Variants in EPB41 observed in about 807,000 individuals in gnomAD.
EPB41 encodes protein 4.1.
EPB41 carries 65 observed loss-of-function variants against 108.0 expected under a neutral mutation model. The observed-to-expected ratio is 0.60, with a 90% CI of 0.49 to 0.74. EPB41 has a LOEUF of 0.74. EPB41 is among the 30% of genes least tolerant of loss of function. The pLI, the probability that EPB41 is intolerant of heterozygous loss-of-function variation, is 0.00. For synonymous variants in EPB41, 336 were observed against 358.9 expected (o/e 0.94, Z 0.72); for missense variants, 875 against 1,037.0 (o/e 0.84, Z 2.15).
chr1:28,897,135 G>C (rs1297053175), intron 1 of EPB41, among the ~76,000 whole-genome samples: 1 of 152,180 alleles, frequency 6.6e-6, no homozygotes, highest in Admixed American at 6.5e-5. Flanking sequence ...GGGGTCCCTT[G>C]TGGTGACCCT....
At chr1:28,987,006 C>G (rs1481107742) in intron 1 of EPB41, among the ~76,000 whole-genome samples, 2 of 152,170 alleles carry the variant, frequency 1.3e-5, no homozygotes, top group Non-Finnish European at 2.9e-5. Context: ...TTCATCGTCT[C>G]TTGGTGTGTG....
chr1:28,903,262 C>T (rs2091469400), intron 1 of EPB41, among the ~76,000 whole-genome samples: 2 of 151,814 alleles, frequency 1.3e-5, no homozygotes, highest in Non-Finnish European at 2.9e-5. Context: ...CTGATACTTA[C>T]TAGCTGGGTG....
intron 1 of EPB41, among the ~76,000 whole-genome samples, chr1:28,938,005 A>T (rs530305272): frequency 6.6e-6 from 1 of 152,140 alleles, no homozygotes; most frequent in Non-Finnish European, 1.5e-5. Context: ...AACCAACTGG[A>T]TATAGATGTA....
chr1:28,941,734 A>G (rs1006111533), intron 1 of EPB41, among the ~76,000 whole-genome samples: 7 of 152,048 alleles, frequency 4.6e-5, no homozygotes, highest in Admixed American at 2.6e-4. Context: ...CGTCTCTACT[A>G]AAAATACAAA....
chr1:29,059,037 G>C (rs1477266956), intron 14 of EPB41, among the ~76,000 whole-genome samples, 185 bp downstream of exon 14: 1 of 152,230 alleles, frequency 6.6e-6, no homozygotes, highest in African/African-American at 2.4e-5. Context: ...CACTTTGGGA[G>C]GCCGAGGCAG....
intron 1 of EPB41, among the ~76,000 whole-genome samples, chr1:28,916,682 T>C (rs1248750367): frequency 6.6e-6 from 1 of 152,240 alleles, no homozygotes; most frequent in Admixed American, 6.5e-5. Flanking sequence ...ATGCCAACCT[T>C]CTGATTCCTC....
intron 1 of EPB41, among the ~76,000 whole-genome samples, chr1:28,953,971 T>C (rs1299176180): frequency 6.6e-6 from 1 of 152,186 alleles, no homozygotes; most frequent in Non-Finnish European, 1.5e-5. Context: ...GGACCACACT[T>C]TGAGAACTAT....
chr1:28,933,191 G>T (rs915394113), intron 1 of EPB41, among the ~76,000 whole-genome samples: 23 of 152,154 alleles, frequency 1.5e-4, no homozygotes, highest in African/African-American at 5.3e-4. Flanking sequence ...ACTATATTTT[G>T]ATGATAAATA....
chr1:28,900,283 T>A (rs537763387), intron 1 of EPB41, among the ~76,000 whole-genome samples: 6 of 125,700 alleles, frequency 4.8e-5, no homozygotes, highest in African/African-American at 1.9e-4. Context: ...ATCATTTACT[T>A]CTTCTTCTTT....
intron 20 of EPB41, among the ~76,000 whole-genome samples, chr1:29,116,558 G>C (rs1176645550): frequency 6.6e-6 from 1 of 152,176 alleles, no homozygotes; most frequent in African/African-American, 2.4e-5. Flanking sequence ...AGAGCAGGGA[G>C]GTAATGGCTG....
intron 9 of EPB41, 26 bp downstream of exon 9, chr1:29,033,271 C>G (rs747428530): frequency 6.2e-7 from 1 of 1,611,192 alleles, no homozygotes; most frequent in Admixed American, 1.7e-5. Context: ...TTCCTTCCTC[C>G]CAAACCAGAC....
chr1:28,995,903 T>C (rs1442674377), intron 3 of EPB41, among the ~76,000 whole-genome samples: 1 of 152,182 alleles, frequency 6.6e-6, no homozygotes, highest in Non-Finnish European at 1.5e-5. Flanking sequence ...ATGGATGAGT[T>C]AAGACTGACA....
At chr1:28,936,404 C>G (rs2094027993) in intron 1 of EPB41, among the ~76,000 whole-genome samples, 2 of 115,154 alleles carry the variant, frequency 1.7e-5, no homozygotes, top group African/African-American at 9.0e-5. Context: ...AACTTGTATC[C>G]TAAAAAAAAT....
At position 29,117,832 on chromosome 1, in the gene EPB41, G is replaced by A. The variant is rs1379093850; in HGVS notation, c.*1020G>A. The stretch of plus-strand genomic sequence containing the variant: ...ATGACAAGGAATGTGGCTCAGAGAA[G>A]GGTTTTTCTTTTTTGACCTTTCTTC... On this transcript the variant is annotated 3_prime_UTR_variant, in exon 21 of 21. Coordinates refer to ENST00000343067, the MANE Select transcript of EPB41 (RefSeq NM_001376013.1). 1.3e-5 allele frequency: 2 copies of A among 152,614 alleles called. No homozygotes were observed. Among genetic ancestry groups the A allele is most frequent in the African/African-American group, 4.8e-5 (2 of 41,434 alleles). The allele number at this position is 152,614 out of a possible 1,614,324, so 9.5% of individuals were successfully genotyped here. A position where few individuals can be genotyped will look rare whatever the true frequency, so the allele number is the denominator to read the frequency against.
At chr1:29,108,767 G>A (rs985352275) in intron 17 of EPB41, among the ~76,000 whole-genome samples, 56 of 148,872 alleles carry the variant, frequency 3.8e-4, no homozygotes, top group African/African-American at 1.3e-3. Context: ...CTGTTGGCCA[G>A]GCTGGTCTCA....
intron 5 of EPB41, among the ~76,000 whole-genome samples, chr1:29,013,834 GTT>G (rs537368192): frequency 0.32 from 41,613 of 131,548 alleles, 7,536 homozygotes; most frequent in Non-Finnish European, 0.41. Flanking sequence ...CAGCCCTTAA[GTT>G]TTTTTTTTTT....
At chr1:29,104,796 G>A (rs963067776) in intron 17 of EPB41, among the ~76,000 whole-genome samples, 3 of 151,942 alleles carry the variant, frequency 2.0e-5, no homozygotes, top group African/African-American at 7.3e-5. Flanking sequence ...CGCCATGTTG[G>A]TCAGGCTGGT....
chr1:29,070,472 G>T (rs1158063272), intron 16 of EPB41: 1 of 1,232,106 alleles, frequency 8.1e-7, no homozygotes, highest in Non-Finnish European at 1.0e-6. Context: ...TCTTCCCAAG[G>T]TTTCTATTCC....
intron 1 of EPB41, among the ~76,000 whole-genome samples, chr1:28,966,205 A>T (rs1206161636): frequency 2.6e-5 from 4 of 152,040 alleles, no homozygotes; most frequent in Non-Finnish European, 5.9e-5. Flanking sequence ...AAAAAGAAAA[A>T]ATTATTTTGT....
Sources: allele counts gnomAD v4.1 joint callset (sites outside exome capture counted in the v4.1 genomes callset), GRCh38; gene constraint gnomAD v4.1.1; transcripts MANE v1.5; gene names NCBI Gene and HGNC (gene_info 2026-07-23, HGNC 2026-07-21).